FRMD3: variants seen among roughly 807,000 people sequenced by gnomAD.
The protein encoded by FRMD3 is FERM domain-containing protein 3.
Under a neutral mutation model 70.2 loss-of-function variants are expected in FRMD3, and 33 were observed. The observed-to-expected ratio is 0.47, with a 90% CI of 0.36 to 0.63. The LOEUF (loss-of-function observed/expected upper bound fraction) is 0.63. Ranked by LOEUF, FRMD3 falls within the 20% of genes least tolerant of loss-of-function variation. The pLI, the probability that FRMD3 is intolerant of heterozygous loss-of-function variation, is 0.00. For synonymous variants in FRMD3, 279 were observed against 255.9 expected (o/e 1.09, Z -0.86); for missense variants, 632 against 711.4 (o/e 0.89, Z 1.27).
At chr9:83,459,802 A>G (rs1277139849) in intron 1 of FRMD3, among the ~76,000 whole-genome samples, 1 of 152,208 alleles carries the variant, frequency 6.6e-6, no homozygotes, top group Non-Finnish European at 1.5e-5. Context: ...AACAGCAGAA[A>G]TTTACTTTCT....
intron 3 of FRMD3, among the ~76,000 whole-genome samples, chr9:83,362,221 C>T (rs1824614201): frequency 1.3e-5 from 2 of 151,470 alleles, no homozygotes; most frequent in South Asian, 2.1e-4. Flanking sequence ...ATCTCAATCT[C>T]AATTTCCTAT....
At chr9:83,297,905 C>A (rs1834740744) in intron 12 of FRMD3, 2 of 462,822 alleles carry the variant, frequency 4.3e-6, no homozygotes, top group South Asian at 1.6e-5. Flanking sequence ...GGCTTAGCCA[C>A]ACTTCTGTGG....
At chr9:83,372,689 G>C (rs185478712) in intron 3 of FRMD3, among the ~76,000 whole-genome samples, 1 of 151,958 alleles carries the variant, frequency 6.6e-6, no homozygotes, top group Admixed American at 6.6e-5. Context: ...GGGCAAGATG[G>C]GGGGGAGGGA....
intron 2 of FRMD3, among the ~76,000 whole-genome samples, chr9:83,388,082 A>G (rs72745023): frequency 0.021 from 3,240 of 152,292 alleles, 49 homozygotes; most frequent in Non-Finnish European, 0.032. Flanking sequence ...GGTTACTGGG[A>G]GTACTACAGG....
chr9:83,455,991 G>A (rs1827806662), intron 1 of FRMD3, among the ~76,000 whole-genome samples: 1 of 152,072 alleles, frequency 6.6e-6, no homozygotes, highest in African/African-American at 2.4e-5. Context: ...TAGAATTTTT[G>A]AATGCTGCAA....
chr9:83,373,100 A>C (rs1455842006), intron 2 of FRMD3, 145 bp from the exon 3 acceptor site: 5 of 676,168 alleles, frequency 7.4e-6, no homozygotes, highest in Non-Finnish European at 1.3e-5. Context: ...AGACCAACAT[A>C]AACAACTTGG....
chr9:83,574,214 T>C, the FRMD3 span, among the ~76,000 whole-genome samples: 1 of 152,208 alleles, frequency 6.6e-6, no homozygotes, highest in Non-Finnish European at 1.5e-5. Context: ...ATTTCTTTAG[T>C]GTAATTTCCA....
chr9:83,524,713 T>C (rs1829649945), intron 1 of FRMD3, among the ~76,000 whole-genome samples: 1 of 152,162 alleles, frequency 6.6e-6, no homozygotes. Flanking sequence ...TCCTATAACA[T>C]CTCTGTTTAA....
At chr9:83,558,083 G>A in the FRMD3 span, among the ~76,000 whole-genome samples, 1 of 152,172 alleles carries the variant, frequency 6.6e-6, no homozygotes, top group Admixed American at 6.5e-5. Context: ...CAAGGCAAGA[G>A]AGCTGTCAAA....
At chr9:83,486,514 A>C (rs1323686205) in intron 1 of FRMD3, among the ~76,000 whole-genome samples, 3 of 152,242 alleles carry the variant, frequency 2.0e-5, no homozygotes, top group African/African-American at 7.2e-5. Flanking sequence ...AACAAAAATG[A>C]ACTTAAGATA....
chr9:83,406,828 G>T (rs980457672), intron 1 of FRMD3, among the ~76,000 whole-genome samples: 2 of 152,048 alleles, frequency 1.3e-5, no homozygotes, highest in Non-Finnish European at 2.9e-5. Flanking sequence ...CAAGTTGCTG[G>T]GTTTTATTTT....
At chr9:83,277,725 C>G (rs1833838275) in intron 13 of FRMD3, among the ~76,000 whole-genome samples, 1 of 152,136 alleles carries the variant, frequency 6.6e-6, no homozygotes, top group Non-Finnish European at 1.5e-5. Flanking sequence ...TCTGGCAAAC[C>G]CTAATCCCAG....
chr9:83,362,820 CTCCT>C (rs1824644249), intron 3 of FRMD3, among the ~76,000 whole-genome samples: 2 of 114,030 alleles, frequency 1.8e-5, no homozygotes, highest in Non-Finnish European at 3.6e-5. Context: ...CCTTCCCTCC[CTCCT>C]TCCTTCCCTC....
intron 1 of FRMD3, among the ~76,000 whole-genome samples, chr9:83,392,441 A>G (rs542310082): frequency 6.6e-6 from 1 of 152,300 alleles, no homozygotes; most frequent in African/African-American, 2.4e-5. Context: ...CTGGTTCAGG[A>G]GTCAGGTGCA....
intron 1 of FRMD3, among the ~76,000 whole-genome samples, chr9:83,505,879 CA>C (rs1389951001): frequency 6.6e-6 from 1 of 152,198 alleles, no homozygotes; most frequent in Non-Finnish European, 1.5e-5. Context: ...ATCATGGCTG[CA>C]GAAGAGCTCT....
chr9:83,324,037 C>A (rs1835915549), intron 6 of FRMD3, among the ~76,000 whole-genome samples: 1 of 152,072 alleles, frequency 6.6e-6, no homozygotes, highest in African/African-American at 2.4e-5. Context: ...TGGAAGCAAC[C>A]CAAATGTTCA....
chr9:83,358,219 G>T (rs997935607), intron 3 of FRMD3, among the ~76,000 whole-genome samples: 2 of 152,104 alleles, frequency 1.3e-5, no homozygotes, highest in African/African-American at 2.4e-5. Flanking sequence ...GTTTTTGTTT[G>T]CTTTGTTGAT....
intron 6 of FRMD3, among the ~76,000 whole-genome samples, chr9:83,318,057 A>G (rs1349006890): frequency 6.6e-6 from 1 of 152,220 alleles, no homozygotes; most frequent in Non-Finnish European, 1.5e-5. Context: ...CAATAACTAC[A>G]TGAAAATGTG....
intron 1 of FRMD3, among the ~76,000 whole-genome samples, chr9:83,392,537 C>T (rs1262521006): frequency 6.6e-6 from 1 of 152,146 alleles, no homozygotes; most frequent in Non-Finnish European, 1.5e-5. Flanking sequence ...CCTGAACCTT[C>T]CACATGCTTC....
Sources: allele counts gnomAD v4.1 joint callset (sites outside exome capture counted in the v4.1 genomes callset), GRCh38; gene constraint gnomAD v4.1.1; transcripts MANE v1.5; gene names NCBI Gene and HGNC (gene_info 2026-07-23, HGNC 2026-07-21).